Variants in AGAP4 observed in about 807,000 individuals in gnomAD.
AGAP4 encodes the protein ArfGAP with GTPase domain, ankyrin repeat and PH domain 4, also known as arf-GAP with GTPase, ANK repeat and PH domain-containing protein 4.
AGAP4 carries 13 observed loss-of-function variants against 60.7 expected under a neutral mutation model. The ratio of observed to expected loss-of-function variants is 0.21; its 90% CI spans 0.14 to 0.34. The LOEUF (loss-of-function observed/expected upper bound fraction) is 0.34. Among genes scored for constraint, AGAP4 ranks in the 10% least tolerant of loss-of-function variants. The pLI, the probability that AGAP4 is intolerant of heterozygous loss-of-function variation, is 1.00. For synonymous variants in AGAP4, 70 were observed against 339.0 expected (o/e 0.21, Z 8.72); for missense variants, 169 against 884.0 (o/e 0.19, Z 10.26).
intron 4 of AGAP4, among the ~76,000 whole-genome samples, chr10:45,834,823 G>C (rs1288122310): frequency 6.9e-6 from 1 of 145,478 alleles, no homozygotes; most frequent in African/African-American, 2.8e-5. Flanking sequence ...GCCCAGACTG[G>C]AGTGCAGTGG....
chr10:45,853,807 T>G, exon 1 of AGAP4: 3 of 1,286,918 alleles, frequency 2.3e-6, no homozygotes, highest in Non-Finnish European at 3.0e-6. Context: ...AGATCTTGTC[T>G]TTGCTGGTTT....
upstream of AGAP4, chr10:45,854,464 C>T (rs1478345787): frequency 6.6e-6 from 1 of 151,080 alleles, no homozygotes; most frequent in African/African-American, 2.4e-5. Context: ...CTCGTCTCTA[C>T]TAAAAAAAAA....
intron 1 of AGAP4, among the ~76,000 whole-genome samples, chr10:45,852,803 G>C (rs1201642549): frequency 9.9e-5 from 15 of 152,062 alleles, no homozygotes; most frequent in Non-Finnish European, 2.1e-4. Context: ...TGCATTAATA[G>C]TGTCTGAAGA....
At chr10:45,848,580 C>T (rs568833407), upstream of AGAP4, among the ~76,000 whole-genome samples, 99 of 151,966 alleles carry the variant, frequency 6.5e-4, 2 homozygotes, top group South Asian at 0.017. Context: ...GTTGTTGAGA[C>T]GGAGAAGGTA....
chr10:45,845,600 T>G (rs2058984872), intron 2 of AGAP4, among the ~76,000 whole-genome samples: 1 of 115,606 alleles, frequency 8.7e-6, no homozygotes, highest in Non-Finnish European at 1.9e-5. Context: ...AACTCCAACT[T>G]TCTTTCCTTT....
At chr10:45,844,538 G>T (rs61857379) in intron 2 of AGAP4, 144 bp from the exon 3 acceptor site, 15,909 of 1,385,596 alleles carry the variant, frequency 0.011, 382 homozygotes, top group Admixed American at 0.064. Context: ...AGACATAAGA[G>T]AGAGCCAGGC....
Position 45,831,388 on chromosome 10 carries a change from G to A in AGAP4, c.533+6C>T, listed in dbSNP as rs1466397321. On this transcript the variant is annotated splice_donor_region_variant and intron_variant, in intron 6 of 7. Transcript: ENST00000616763. ...GAATAACAAGACAGGTTTCTAAAAA[G>A]CTCACCTTTGTGTGATATGATGAGG... 1.6e-5 allele frequency: 25 copies of A among 1,585,214 alleles called. No individual in the cohort carries two copies. Among genetic ancestry groups the A allele is most frequent in the Non-Finnish European group, 2.0e-5 (23 of 1,170,878 alleles).
rs1434993258 is a variant in AGAP4, at chr10:45,847,481, C to T, written c.-134G>A. ...CGCTCCTCGCCTGCCCACCTCACAG[C>T]GCGGCCCCGGGCACCAGCCCTGGCC... On this transcript the variant is annotated 5_prime_UTR_variant, in exon 1 of 8. Coordinates refer to ENST00000616763, the MANE Select transcript of AGAP4 (RefSeq NM_001276343.3). 1.1e-3 allele frequency: 1,632 copies of T among 1,528,636 alleles called. 12 individuals carry two copies. Among genetic ancestry groups the T allele is most frequent in the East Asian group, 0.011 (436 of 40,926 alleles). 94.7% of individuals were successfully genotyped at this position (1,528,636 alleles called of 1,614,324 possible).
intron 6 of AGAP4, 122 bp downstream of exon 6, chr10:45,831,272 T>A: frequency 8.2e-7 from 1 of 1,216,078 alleles, no homozygotes; most frequent in Non-Finnish European, 1.2e-6. Context: ...ACAAATAATT[T>A]GCTTCAATAT....
At chr10:45,849,315 C>G (rs2059050424), upstream of AGAP4, among the ~76,000 whole-genome samples, 3 of 151,628 alleles carry the variant, frequency 2.0e-5, no homozygotes, top group African/African-American at 7.3e-5. Context: ...CCCCCGTGAT[C>G]CAATCACCTC....
At position 45,831,376 on chromosome 10, in the gene AGAP4, G is replaced by A. The variant is rs2058729677; in HGVS notation, c.533+18C>T. 5 of 1,581,536 alleles carry A rather than the reference G, an allele frequency of 3.2e-6. No individual in the cohort carries two copies. Among genetic ancestry groups the A allele is most frequent in the Admixed American group, 1.7e-5 (1 of 58,760 alleles). ...AGTACTTAGCTAGAATAACAAGACA[G>A]GTTTCTAAAAAGCTCACCTTTGTGT... is the stretch of plus-strand genomic sequence containing the variant. On this transcript the variant is annotated intron_variant, in intron 6 of 7. Transcript: ENST00000616763.
chr10:45,847,503 G>C, upstream of AGAP4: 7 of 1,524,134 alleles, frequency 4.6e-6, no homozygotes, highest in Non-Finnish European at 6.1e-6. Context: ...CACCAGCCCT[G>C]GCCCTGGCCC....
Position 45,834,118 on chromosome 10 carries a change from T to C in AGAP4, c.397-2A>G. 6.3e-7 allele frequency: 1 copy of C among 1,585,740 alleles called. No homozygotes were observed. On this transcript the variant is annotated splice_acceptor_variant, in intron 4 of 7. Coordinates refer to ENST00000616763, the MANE Select transcript of AGAP4 (RefSeq NM_001276343.3). LOFTEE classifies it high-confidence loss of function. ...TTGACTGAAACGCACAGTAGATACC[T>C]GAAGGGGAAGGGAAGTGTAAGTCAA...
chr10:45,830,416 C>A (rs2135926514), intron 6 of AGAP4, among the ~76,000 whole-genome samples: 1 of 129,878 alleles, frequency 7.7e-6, no homozygotes, highest in East Asian at 2.2e-4. Context: ...AAGTGATCCA[C>A]CCACCTCGGC....
chr10:45,838,138 C>A (rs1216991267), intron 4 of AGAP4, among the ~76,000 whole-genome samples: 1 of 149,670 alleles, frequency 6.7e-6, no homozygotes, highest in Admixed American at 6.6e-5. Flanking sequence ...AAATTCATGG[C>A]ATTCCCAGCA....
At chr10:45,844,082 C>T (rs1449515098) in intron 3 of AGAP4, among the ~76,000 whole-genome samples, 1 of 150,388 alleles carries the variant, frequency 6.6e-6, no homozygotes, top group Non-Finnish European at 1.5e-5. Flanking sequence ...CATGACTCCT[C>T]CATCACATCA....
At chr10:45,846,322 TTC>T (rs1198088297) in intron 2 of AGAP4, among the ~76,000 whole-genome samples, 1 of 150,194 alleles carries the variant, frequency 6.7e-6, no homozygotes, top group African/African-American at 2.4e-5. Context: ...TTCTTTTTCC[TTC>T]TGTGTTCAAA....
In AGAP4 at chr10:45,841,553, T is replaced by TGCTA. The variant is rs1207457313; in HGVS notation, c.396+96_396+99dup. On this transcript the variant is annotated intron_variant, in intron 4 of 7. Transcript: ENST00000616763. ...TAGAAAATCCACAAAAAGAGGTCCA[T>TGCTA]GCTACCACCACCAGGTCCACATTGT... 2,947 of 598,744 alleles carry TGCTA rather than the reference T, an allele frequency of 4.9e-3. 5 individuals carry two copies. The highest frequency in any genetic ancestry group is 6.6e-3 in the Non-Finnish European group (2,343 of 356,162). 37.1% of individuals were successfully genotyped at this position (598,744 alleles called of 1,614,324 possible). A position where few individuals can be genotyped will look rare whatever the true frequency, so the allele number is the denominator to read the frequency against.
intron 6 of AGAP4, among the ~76,000 whole-genome samples, chr10:45,831,013 T>C: frequency 9.1e-6 from 1 of 110,268 alleles, no homozygotes; most frequent in African/African-American, 3.5e-5. Context: ...TACTGATATC[T>C]AGTTGGTAGA....
Sources: allele counts gnomAD v4.1 joint callset (sites outside exome capture counted in the v4.1 genomes callset), GRCh38; gene constraint gnomAD v4.1.1; transcripts MANE v1.5; gene names NCBI Gene and HGNC (gene_info 2026-07-23, HGNC 2026-07-21).